The following CMC1 variants were observed in gnomAD, a reference collection of about 807,000 sequenced individuals.
CMC1 encodes the protein COX assembly mitochondrial protein homolog.
CMC1 carries 14 observed loss-of-function variants against 14.1 expected under a neutral mutation model. The ratio of observed to expected loss-of-function variants is 0.99; its 90% CI spans 0.66 to 1.55. The LOEUF is 1.55. CMC1 is among the 40% of genes most tolerant of loss of function. The pLI is 0.00. For synonymous variants in CMC1, 50 were observed against 38.4 expected, an observed-to-expected ratio of 1.30 and a Z score of -1.12; for missense variants, 127 against 123.8, an observed-to-expected ratio of 1.03 and a Z score of -0.12.
intron 2 of CMC1, chr3:28,297,264 T>G (rs1446122434): frequency 6.6e-6 from 1 of 151,858 alleles, no homozygotes; most frequent in Non-Finnish European, 1.5e-5. Flanking sequence ...TTTAGAGAGG[T>G]TTAGTAACTG....
At chr3:28,303,649 T>A (rs899503545) in intron 2 of CMC1, among the ~76,000 whole-genome samples, 2 of 152,106 alleles carry the variant, frequency 1.3e-5, no homozygotes, top group African/African-American at 2.4e-5. Context: ...TTTAGCAACA[T>A]ATTTTAAAAT....
At chr3:28,311,170 T>G (rs1205627668) in intron 2 of CMC1, among the ~76,000 whole-genome samples, 1 of 152,178 alleles carries the variant, frequency 6.6e-6, no homozygotes, top group Non-Finnish European at 1.5e-5. Context: ...GTACTCTTTT[T>G]TTTTTTCTGT....
rs151030923 is a variant in CMC1, at chr3:28,269,763, G to A, written c.109+6383G>A. ...GTATTTTTAGTAGAGATGGGGTTTC[G>A]CCATGTTGGCCAGTCTGGTCTCAAA... is the stretch of plus-strand genomic sequence containing the variant. On this transcript the variant is annotated intron_variant, in intron 2 of 3. Transcript: ENST00000466830. Among the ~76,000 whole-genome samples, 1,151 of 152,100 alleles carry A rather than the reference G, an allele frequency of 7.6e-3. 15 individuals carry two copies. Among genetic ancestry groups the A allele is most frequent in the African/African-American group, 0.026 (1,062 of 41,502 alleles).
intron 2 of CMC1, among the ~76,000 whole-genome samples, chr3:28,273,513 CT>C (rs1350992674): frequency 1.3e-5 from 2 of 152,260 alleles, no homozygotes; most frequent in East Asian, 3.9e-4. Context: ...GAGTGTTTTA[CT>C]TCCCAATTAC....
At chr3:28,253,213 T>C (rs991115964) in intron 1 of CMC1, among the ~76,000 whole-genome samples, 1 of 152,194 alleles carries the variant, frequency 6.6e-6, no homozygotes, top group African/African-American at 2.4e-5. Flanking sequence ...TTGAGAACGC[T>C]GGTCTCATTG....
intron 1 of CMC1, among the ~76,000 whole-genome samples, chr3:28,246,054 C>T (rs901603289): frequency 1.3e-5 from 2 of 151,970 alleles, no homozygotes; most frequent in South Asian, 2.1e-4. Flanking sequence ...CTGCCCACCT[C>T]GGCCTCCCAA....
intron 3 of CMC1, chr3:28,318,970 T>C (rs1022332723): frequency 4.1e-6 from 1 of 244,162 alleles, no homozygotes; most frequent in Admixed American, 5.2e-5. Flanking sequence ...ATTTGACTTT[T>C]GCCCATTCCA....
Position 28,253,071 on chromosome 3 carries a change from C to T in CMC1, c.20-10220C>T, listed in dbSNP as rs964912954. Among the ~76,000 whole-genome samples the T allele has an allele frequency of 5.3e-5, 8 of 152,092 alleles. No individual in the cohort carries two copies. In the East Asian group the frequency reaches 9.6e-4, roughly 18 times the overall value. On this transcript the variant is annotated intron_variant, in intron 1 of 3. Coordinates refer to ENST00000466830, the MANE Select transcript of CMC1 (RefSeq NM_182523.2). Reference sequence around the variant, plus strand: ...TCTACCCTTCCTCATTTTACTCTGTCGTTATAGCAAGAAGGTATGAACAAA... The same window carrying T: ...TCTACCCTTCCTCATTTTACTCTGTTGTTATAGCAAGAAGGTATGAACAAA...
intron 2 of CMC1, among the ~76,000 whole-genome samples, chr3:28,296,726 C>A (rs1701756654): frequency 6.6e-6 from 1 of 151,936 alleles, no homozygotes; most frequent in South Asian, 2.1e-4. Flanking sequence ...AGATGAACTG[C>A]TATGATTATG....
chr3:28,264,174 C>A (rs1201849144), intron 2 of CMC1, among the ~76,000 whole-genome samples: 1 of 152,138 alleles, frequency 6.6e-6, no homozygotes. Flanking sequence ...AGGCTATTTT[C>A]CTGGCTTTAC....
At chr3:28,248,980 T>C (rs569874919) in intron 1 of CMC1, among the ~76,000 whole-genome samples, 9 of 152,162 alleles carry the variant, frequency 5.9e-5, no homozygotes, top group Admixed American at 1.3e-4. Context: ...TTAGTAGAGA[T>C]GGGGTTTCAC....
chr3:28,311,852 G>A (rs944708987), intron 2 of CMC1, among the ~76,000 whole-genome samples: 3 of 152,138 alleles, frequency 2.0e-5, no homozygotes, highest in African/African-American at 7.2e-5. Flanking sequence ...CTTTCAAATT[G>A]TATCATTTTT....
intron 1 of CMC1, among the ~76,000 whole-genome samples, chr3:28,244,277 G>A (rs1334139071): frequency 6.6e-6 from 1 of 152,170 alleles, no homozygotes; most frequent in African/African-American, 2.4e-5. Context: ...GTCATAAGTG[G>A]AAGAAGGGAG....
At position 28,245,144 on chromosome 3, in the gene CMC1, A is replaced by G. The variant is rs148815772; in HGVS notation, c.19+3332A>G. The stretch of plus-strand genomic sequence containing the variant: ...ATTGGTTTATTTTGTATTTTCTGTG[A>G]TCTTTATAGAAGCTTGATTTTCATT... On this transcript the variant is annotated intron_variant, in intron 1 of 3. Transcript: ENST00000466830. Among the ~76,000 whole-genome samples, 509 of 152,222 alleles carry G rather than the reference A, an allele frequency of 3.3e-3. 2 individuals are homozygous for G. Among genetic ancestry groups the G allele is most frequent in the African/African-American group, 0.012 (490 of 41,530 alleles).
chr3:28,243,490 G>A (rs1031176149), intron 1 of CMC1, among the ~76,000 whole-genome samples: 1 of 152,188 alleles, frequency 6.6e-6, no homozygotes, highest in African/African-American at 2.4e-5. Context: ...TGGGAAAAAA[G>A]TCTTCATACT....
At chr3:28,247,687 A>G (rs2125421026) in intron 1 of CMC1, among the ~76,000 whole-genome samples, 1 of 152,352 alleles carries the variant, frequency 6.6e-6, no homozygotes, top group African/African-American at 2.4e-5. Flanking sequence ...AAGAGTTTTG[A>G]TAGTAGTGAG....
rs1703148127 is a variant in CMC1 at position 28,320,414 on chromosome 3, T to G, written c.*785T>G. 1 of 151,552 alleles carries G rather than the reference T, an allele frequency of 6.6e-6. No homozygotes were observed. 9.4% of individuals were successfully genotyped at this position (151,552 alleles called of 1,614,324 possible). ...GGACAAACAAGTGTGGGCAAACTTT[T>G]ATAACAGCCCGCTCTCTTGAGAACT... On this transcript the variant is annotated 3_prime_UTR_variant, in exon 4 of 4. Transcript: ENST00000466830.
chr3:28,324,246 G>C lies in CMC1; in HGVS notation c.*4617G>C, dbSNP rs1465745480. On this transcript the variant is annotated 3_prime_UTR_variant, in exon 4 of 4. Coordinates refer to ENST00000466830, the MANE Select transcript of CMC1 (RefSeq NM_182523.2). ...GAAAGCATGTACCATCATTAGGAATGGATCTCTCATTGTCTGTCCATGATT... is the reference window on the plus strand; with the variant it reads ...GAAAGCATGTACCATCATTAGGAATCGATCTCTCATTGTCTGTCCATGATT... The C allele has an allele frequency of 6.2e-7, 1 of 1,610,116 alleles. No individual in the cohort carries two copies. Among genetic ancestry groups the C allele is most frequent in the South Asian group, 1.1e-5 (1 of 90,918 alleles).
chr3:28,272,192 T>C (rs1700327934), intron 2 of CMC1, among the ~76,000 whole-genome samples: 1 of 152,186 alleles, frequency 6.6e-6, no homozygotes, highest in Non-Finnish European at 1.5e-5. Flanking sequence ...GACTTCCTGT[T>C]TTCCTATTTG....
Sources: gnomAD v4.1 joint callset for allele counts (sites outside exome capture counted in the v4.1 genomes callset) on GRCh38, gnomAD v4.1.1 for gene constraint, MANE v1.5 for transcripts, NCBI Gene and HGNC (gene_info 2026-07-23, HGNC 2026-07-21) for gene names.